The following GSE1 variants were observed in gnomAD, a reference collection of about 807,000 sequenced individuals.
GSE1 encodes the protein Gse1 coiled-coil protein.
In GSE1, 32 loss-of-function variants were observed where a neutral mutation model predicts 112.6. The ratio of observed to expected loss-of-function variants is 0.28; its 90% CI spans 0.21 to 0.38. GSE1 has a LOEUF of 0.38. Ranked by LOEUF, GSE1 falls within the 10% of genes least tolerant of loss-of-function variation. GSE1 has a pLI of 1.00. For synonymous variants in GSE1, 1,115 were observed against 735.6 expected (o/e 1.52, Z -8.35); for missense variants, 2,348 against 1,699.2 (o/e 1.38, Z -6.71).
At chr16:85,566,516 C>G (rs555852663) in intron 1 of GSE1, among the ~76,000 whole-genome samples, 8 of 152,302 alleles carry the variant, frequency 5.3e-5, no homozygotes, top group Middle Eastern at 3.4e-3. Context: ...TTGGCCAGCC[C>G]GGCCTCAGCG....
At position 85,563,265 on chromosome 16, in the gene GSE1, T is replaced by A. The variant is rs566603412; in HGVS notation, c.37+6902T>A. 8.1e-4 allele frequency among the ~76,000 whole-genome samples: 123 copies of A among 151,780 alleles called. 2 individuals carry two copies. The highest frequency in any genetic ancestry group is 2.9e-3 in the African/African-American group (119 of 41,348). ...GTTAATTTAGGAACATAAAACCGTG[T>A]GATGTATAGTTTGGTTTGCTCGTAA... On this transcript the variant is annotated intron_variant, in intron 1 of 2. Transcript: ENST00000635906.
At chr16:85,480,916 C>A (rs1310828035) in intron 2 of GSE1, among the ~76,000 whole-genome samples, 1 of 152,244 alleles carries the variant, frequency 6.6e-6, no homozygotes, top group African/African-American at 2.4e-5. Context: ...GAGCAAGCAC[C>A]GGCGGTGCCC....
At chr16:85,508,877 T>C (rs1219426682) in intron 2 of GSE1, among the ~76,000 whole-genome samples, 1 of 152,124 alleles carries the variant, frequency 6.6e-6, no homozygotes, top group African/African-American at 2.4e-5. Flanking sequence ...TGTACAAACG[T>C]GTGTGTCAGG....
rs189874470 is a variant in GSE1 at position 85,330,380 on chromosome 16, C to T, written c.2284-27083C>T. Among the ~76,000 whole-genome samples, 628 of 152,298 alleles carry T rather than the reference C, an allele frequency of 4.1e-3. 6 individuals carry two copies. Among genetic ancestry groups the T allele is most frequent in the African/African-American group, 0.014 (586 of 41,570 alleles). On this transcript the variant is annotated intron_variant, in intron 1 of 2. Transcript: ENST00000637419. Reference sequence around the variant, plus strand: ...GGCCTGGAGAAGCTGGAAGAAAGGACGGGTAACAGTCTCCCCTGGAGCCAG... The same window carrying T: ...GGCCTGGAGAAGCTGGAAGAAAGGATGGGTAACAGTCTCCCCTGGAGCCAG...
intron 2 of GSE1, among the ~76,000 whole-genome samples, chr16:85,462,867 G>A (rs1485919166): frequency 6.8e-6 from 1 of 148,036 alleles, no homozygotes; most frequent in Non-Finnish European, 1.5e-5. Context: ...GCCCCTCCCC[G>A]GGCTCCACGC....
intron 2 of GSE1, among the ~76,000 whole-genome samples, chr16:85,549,691 TC>T (rs1430009682): frequency 3.9e-5 from 6 of 152,212 alleles, no homozygotes; most frequent in African/African-American, 1.4e-4. Context: ...TTCCCTTTTT[TC>T]TTTCAACCTC....
chr16:85,337,718 G>A (rs2046533206), intron 1 of GSE1, among the ~76,000 whole-genome samples: 1 of 152,220 alleles, frequency 6.6e-6, no homozygotes, highest in Non-Finnish European at 1.5e-5. Context: ...TGTGGGCCAG[G>A]GCCGGGCTTC....
At chr16:85,627,020 G>A (rs1485711561) in intron 1 of GSE1, among the ~76,000 whole-genome samples, 1 of 107,182 alleles carries the variant, frequency 9.3e-6, no homozygotes, top group Non-Finnish European at 1.9e-5. Flanking sequence ...TCTCCACTGG[G>A]ACTTTGCTTC....
chr16:85,568,499 T>C (rs2045851721), intron 1 of GSE1, among the ~76,000 whole-genome samples: 1 of 152,256 alleles, frequency 6.6e-6, no homozygotes, highest in African/African-American at 2.4e-5. Context: ...GTCTGATTTT[T>C]ATGAAACTCC....
At position 85,493,677 on chromosome 16, in the gene GSE1, C is replaced by T. The variant is rs548366319; in HGVS notation, c.2464+136034C>T. On this transcript the variant is annotated intron_variant, in intron 2 of 2. Coordinates refer to the GSE1 transcript ENST00000637419. Reference sequence around the variant, plus strand: ...CTGAGGCAGGAGAATCGCTTGAACCCGGGAGGCGGAGGTGGAGGTGGAGAA... The same window carrying T: ...CTGAGGCAGGAGAATCGCTTGAACCTGGGAGGCGGAGGTGGAGGTGGAGAA... Among the ~76,000 whole-genome samples, 27 of 150,434 alleles carry T rather than the reference C, an allele frequency of 1.8e-4. No individual in the cohort carries two copies. The East Asian group carries it at 4.3e-3, about 24-fold the overall frequency.
intron 2 of GSE1, among the ~76,000 whole-genome samples, chr16:85,646,921 G>T (rs572087531): frequency 7.9e-4 from 120 of 152,214 alleles, no homozygotes; most frequent in African/African-American, 2.9e-3. Flanking sequence ...CGGAAGCGAG[G>T]CTGGTGCCTG....
At chr16:85,386,910 T>C (rs2047700760) in intron 2 of GSE1, among the ~76,000 whole-genome samples, 1 of 152,150 alleles carries the variant, frequency 6.6e-6, no homozygotes, top group Non-Finnish European at 1.5e-5. Context: ...CTGCTGGCTT[T>C]GGCTGGGTGG....
At chr16:85,432,114 A>G (rs1291265279) in intron 2 of GSE1, among the ~76,000 whole-genome samples, 2 of 152,210 alleles carry the variant, frequency 1.3e-5, no homozygotes, top group African/African-American at 2.4e-5. Flanking sequence ...CTTCTCATCA[A>G]AATGCATGAA....
chr16:85,651,898 G>A (rs1001256648), intron 3 of GSE1, among the ~76,000 whole-genome samples: 2 of 152,226 alleles, frequency 1.3e-5, no homozygotes, highest in African/African-American at 4.8e-5. Context: ...GGGGGCCAGG[G>A]GCCACTCCGT....
chr16:85,217,315 GT>G (rs1374812701), intron 1 of GSE1, among the ~76,000 whole-genome samples: 1 of 152,232 alleles, frequency 6.6e-6, no homozygotes, highest in Non-Finnish European at 1.5e-5. Context: ...GAATCAGCTT[GT>G]TTTCATTTCT....
intron 1 of GSE1, among the ~76,000 whole-genome samples, chr16:85,246,445 A>ACACCCCACACGCTG (rs1905799021): frequency 3.0e-5 from 2 of 65,746 alleles, no homozygotes; most frequent in Non-Finnish European, 3.0e-5. Flanking sequence ...ACACACACAC[A>ACACCCCACACGCTG]CACACACACA....
intron 1 of GSE1, among the ~76,000 whole-genome samples, chr16:85,196,902 C>G (rs1041217075): frequency 6.6e-6 from 1 of 152,010 alleles, no homozygotes; most frequent in African/African-American, 2.4e-5. Flanking sequence ...TGGGTTTCTC[C>G]CCTGTGAATA....
chr16:85,310,009 C>T (rs537249092), intron 1 of GSE1, among the ~76,000 whole-genome samples: 3 of 152,344 alleles, frequency 2.0e-5, no homozygotes, highest in East Asian at 1.9e-4. Flanking sequence ...GGGAACAGAG[C>T]GTGTCTTTGT....
chr16:85,415,822 T>G (rs1482912305), intron 2 of GSE1, among the ~76,000 whole-genome samples: 1 of 152,214 alleles, frequency 6.6e-6, no homozygotes, highest in Non-Finnish European at 1.5e-5. Context: ...GATTGTAGGC[T>G]ATTTACAGTG....
Sources: gnomAD v4.1 joint callset for allele counts (sites outside exome capture counted in the v4.1 genomes callset) on GRCh38, gnomAD v4.1.1 for gene constraint, MANE v1.5 for transcripts, NCBI Gene and HGNC (gene_info 2026-07-23, HGNC 2026-07-21) for gene names.